The following ATF7 variants were observed in gnomAD, a reference collection of about 807,000 sequenced individuals.
ATF7 encodes the protein cyclic AMP-dependent transcription factor ATF-7.
Under a neutral mutation model 50.4 loss-of-function variants are expected in ATF7, and 10 were observed. That is an observed-to-expected ratio of 0.20 (90% CI 0.12 to 0.34). The LOEUF is 0.34. Ranked by LOEUF, ATF7 falls within the 10% of genes least tolerant of loss-of-function variation. The pLI is 1.00. For missense variants in ATF7, 465 were observed against 613.9 expected (o/e 0.76, Z 2.56); for synonymous variants, 201 against 226.4 (o/e 0.89, Z 1.01).
chr12:53,587,390 A>G (rs1211727525), intron 2 of ATF7, among the ~76,000 whole-genome samples: 2 of 148,158 alleles, frequency 1.3e-5, no homozygotes, highest in East Asian at 4.1e-4. Flanking sequence ...AAAAGAAGGA[A>G]AACGTGACGC....
chr12:53,540,307 T>A (rs1433454461), intron 4 of ATF7, among the ~76,000 whole-genome samples: 1 of 144,054 alleles, frequency 6.9e-6, no homozygotes, highest in Non-Finnish European at 1.5e-5. Flanking sequence ...GCCATCATGA[T>A]CGCACCACTG....
intron 2 of ATF7, among the ~76,000 whole-genome samples, chr12:53,587,847 T>A (rs866463458): frequency 0.016 from 668 of 40,960 alleles, 7 homozygotes; most frequent in African/African-American, 0.029. Context: ...ATATATATTT[T>A]TTTTTTTTTT....
At chr12:53,533,607 G>T (rs1939035556) in intron 6 of ATF7, among the ~76,000 whole-genome samples, 1 of 152,200 alleles carries the variant, frequency 6.6e-6, no homozygotes, top group Non-Finnish European at 1.5e-5. Context: ...GCTGAGTTAG[G>T]TCACATGATG....
At chr12:53,509,495 C>T (rs895819193), downstream of ATF7, among the ~76,000 whole-genome samples, 2 of 150,822 alleles carry the variant, frequency 1.3e-5, no homozygotes, top group South Asian at 2.1e-4. Context: ...TTCATTCTTA[C>T]ACTCCAGCTT....
chr12:53,613,497 G>A (rs1355044710), intron 1 of ATF7, among the ~76,000 whole-genome samples: 1 of 151,992 alleles, frequency 6.6e-6, no homozygotes, highest in East Asian at 1.9e-4. Flanking sequence ...ATAAACAAAT[G>A]CTCTTTGGAG....
chr12:53,531,689 A>G lies in ATF7; in HGVS notation c.927+55T>C, dbSNP rs1938902032. 10 of 1,514,356 alleles carry G rather than the reference A, an allele frequency of 6.6e-6. No individual in the cohort carries two copies. In the South Asian group the frequency reaches 1.3e-4, roughly 19 times the overall value. The allele number at this position is 1,514,356 out of a possible 1,614,324, so 93.8% of individuals were successfully genotyped here. A position where few individuals can be genotyped will look rare whatever the true frequency, so the allele number is the denominator to read the frequency against. On this transcript the variant is annotated intron_variant, in intron 9 of 11. Coordinates refer to ENST00000420353, the MANE Select transcript of ATF7 (RefSeq NM_006856.3). The stretch of plus-strand genomic sequence containing the variant: ...TAATTTTCTGCTCCTTGAACAATAG[A>G]TATGACATAAAGATACGTCATAAAG...
intron 2 of ATF7, among the ~76,000 whole-genome samples, chr12:53,582,403 A>G (rs977741095): frequency 1.3e-5 from 2 of 151,748 alleles, no homozygotes; most frequent in Non-Finnish European, 2.9e-5. Context: ...TGGGAGGCCA[A>G]AGTGGGAGGA....
intron 4 of ATF7, among the ~76,000 whole-genome samples, chr12:53,538,109 T>A (rs892046511): frequency 6.6e-6 from 1 of 152,148 alleles, no homozygotes; most frequent in Admixed American, 6.6e-5. Flanking sequence ...AAGATGAAGA[T>A]AATACCTGCT....
At chr12:53,517,542 T>C in intron 11 of ATF7, 188 bp from the exon 12 acceptor site, 1 of 615,854 alleles carries the variant, frequency 1.6e-6, no homozygotes, top group Non-Finnish European at 2.8e-6. Context: ...TGGGAAGTTG[T>C]AAGAAGGGAA....
chr12:53,612,084 T>C (rs1459239522), intron 1 of ATF7, among the ~76,000 whole-genome samples: 5 of 151,468 alleles, frequency 3.3e-5, no homozygotes, highest in African/African-American at 1.2e-4. Context: ...CCAGCGATTC[T>C]CCCACCTCAG....
chr12:53,587,843 A>ATATATATTTTTT, intron 2 of ATF7, among the ~76,000 whole-genome samples: 10 of 61,566 alleles, frequency 1.6e-4, no homozygotes, highest in African/African-American at 3.6e-4. Flanking sequence ...ATATATATAT[A>ATATATATTTTTT]TTTTTTTTTT....
chr12:53,612,220 C>T (rs1275106785), intron 1 of ATF7, among the ~76,000 whole-genome samples: 1 of 152,076 alleles, frequency 6.6e-6, no homozygotes, highest in African/African-American at 2.4e-5. Flanking sequence ...AAGTGATCCT[C>T]CTGCCTTGAC....
chr12:53,552,570 G>A lies in ATF7; in HGVS notation c.116C>T (p.Pro39Leu), dbSNP rs1940445190. Residue 39 changes from proline (P) to leucine (L), a missense_variant, in exon 3 of 12, where the codon CCA (proline) becomes CTA (leucine). Coordinates refer to ENST00000420353, the MANE Select transcript of ATF7 (RefSeq NM_006856.3). ...AATGATGACTGAGTCAGTTCGGGCT[G>A]GGCCAAATTTCAATGTCATCTCATG... Reference protein sequence around the residue: ...HKHEMTLKFGPARTDSVIIAD... With the variant: ...HKHEMTLKFGLARTDSVIIAD... The A allele has an allele frequency of 6.2e-7, 1 of 1,613,894 alleles. No individual in the cohort carries two copies. Among genetic ancestry groups the A allele is most frequent in the Non-Finnish European group, 8.5e-7 (1 of 1,179,836 alleles).
chr12:53,531,257 C>A (rs1264737928), intron 9 of ATF7, among the ~76,000 whole-genome samples: 1 of 151,870 alleles, frequency 6.6e-6, no homozygotes, highest in Non-Finnish European at 1.5e-5. Flanking sequence ...CCCGCCTCTA[C>A]TAAAAATACA....
At chr12:53,533,526 A>C (rs1939030269) in intron 6 of ATF7, among the ~76,000 whole-genome samples, 1 of 152,228 alleles carries the variant, frequency 6.6e-6, no homozygotes, top group South Asian at 2.1e-4. Context: ...AGGGTTTAGA[A>C]CAATTAAACA....
chr12:53,563,787 T>G (rs1233376634), intron 2 of ATF7, among the ~76,000 whole-genome samples: 2 of 152,252 alleles, frequency 1.3e-5, no homozygotes, highest in African/African-American at 4.8e-5. Context: ...TTGAAAAGCT[T>G]TATCACTCTT....
intron 11 of ATF7, chr12:53,517,698 T>G (rs1485858574): frequency 3.5e-6 from 1 of 286,430 alleles, no homozygotes; most frequent in Non-Finnish European, 6.8e-6. Flanking sequence ...TTTTAAGAGA[T>G]AGGGTCTCAA....
chr12:53,569,091 G>A (rs1357762340), intron 2 of ATF7, among the ~76,000 whole-genome samples: 1 of 152,116 alleles, frequency 6.6e-6, no homozygotes, highest in Non-Finnish European at 1.5e-5. Context: ...AGGTTCCCTT[G>A]AGCCCAGGTG....
intron 9 of ATF7, among the ~76,000 whole-genome samples, chr12:53,526,901 G>A (rs1048706733): frequency 9.9e-5 from 15 of 151,544 alleles, no homozygotes; most frequent in Admixed American, 7.2e-4. Flanking sequence ...GCTCACGCCT[G>A]TAATCCCAGC....
Sources: gnomAD v4.1 joint callset for allele counts (sites outside exome capture counted in the v4.1 genomes callset) on GRCh38, gnomAD v4.1.1 for gene constraint, MANE v1.5 for transcripts, NCBI Gene and HGNC (gene_info 2026-07-23, HGNC 2026-07-21) for gene names.